The following IQCM variants were observed in gnomAD, a reference collection of about 807,000 sequenced individuals.
IQCM encodes the protein IQ domain-containing protein M.
IQCM carries 45 observed loss-of-function variants against 57.6 expected under a neutral mutation model. The ratio of observed to expected loss-of-function variants is 0.78; its 90% CI spans 0.62 to 1.00. IQCM has a LOEUF of 1.00. Ranked by LOEUF, IQCM falls within the 50% of genes least tolerant of loss-of-function variation. The pLI is 0.00. For missense variants in IQCM, 468 were observed against 511.6 expected (o/e 0.91, Z 0.82); for synonymous variants, 148 against 158.9 (o/e 0.93, Z 0.51).
chr4:149,778,706 T>G (rs1361225886), intron 2 of IQCM, among the ~76,000 whole-genome samples: 1 of 151,950 alleles, frequency 6.6e-6, no homozygotes, highest in Non-Finnish European at 1.5e-5. Context: ...AATAAGGAAA[T>G]ATTAAAAACA....
At chr4:149,550,967 T>G (rs569825149) in intron 11 of IQCM, among the ~76,000 whole-genome samples, 1 of 152,322 alleles carries the variant, frequency 6.6e-6, no homozygotes, top group South Asian at 2.1e-4. Flanking sequence ...TTTTGCCACA[T>G]GTTAGCCTAT....
At chr4:149,749,515 A>G (rs1257280112) in intron 2 of IQCM, among the ~76,000 whole-genome samples, 2 of 152,146 alleles carry the variant, frequency 1.3e-5, no homozygotes, top group African/African-American at 2.4e-5. Flanking sequence ...ACAGGATAAT[A>G]GAGAACTGTG....
At chr4:149,368,492 C>A (rs1190276152) in intron 13 of IQCM, among the ~76,000 whole-genome samples, 1 of 151,756 alleles carries the variant, frequency 6.6e-6, no homozygotes, top group Non-Finnish European at 1.5e-5. Context: ...TTGTTAGAAA[C>A]CTTTGGATCC....
chr4:149,547,018 C>T (rs1475587063), intron 12 of IQCM, among the ~76,000 whole-genome samples: 1 of 152,108 alleles, frequency 6.6e-6, no homozygotes, highest in Non-Finnish European at 1.5e-5. Context: ...GGAAGGGATC[C>T]AGTTTCAGCT....
At chr4:149,627,044 C>G (rs1376394597) in intron 7 of IQCM, among the ~76,000 whole-genome samples, 1 of 152,168 alleles carries the variant, frequency 6.6e-6, no homozygotes, top group Non-Finnish European at 1.5e-5. Flanking sequence ...GACACTACAG[C>G]TCCAAGACAA....
chr4:149,679,315 G>T (rs1254197240), intron 7 of IQCM, among the ~76,000 whole-genome samples: 1 of 151,272 alleles, frequency 6.6e-6, no homozygotes, highest in East Asian at 1.9e-4. Flanking sequence ...ATATGTGAAA[G>T]CAAAAAAAAA....
intron 7 of IQCM, among the ~76,000 whole-genome samples, chr4:149,680,379 A>G (rs1762090607): frequency 1.3e-5 from 2 of 151,322 alleles, no homozygotes; most frequent in Non-Finnish European, 3.0e-5. Flanking sequence ...TTTGATTGGT[A>G]TCTCTGCAGT....
chr4:149,730,548 T>C (rs988723602), intron 5 of IQCM, among the ~76,000 whole-genome samples: 1 of 152,256 alleles, frequency 6.6e-6, no homozygotes, highest in Non-Finnish European at 1.5e-5. Flanking sequence ...ATTTTAATTC[T>C]GTCAAAAACA....
intron 12 of IQCM, among the ~76,000 whole-genome samples, chr4:149,454,847 T>A (rs994281786): frequency 6.6e-6 from 1 of 151,844 alleles, no homozygotes; most frequent in African/African-American, 2.4e-5. Context: ...GATTAAGGGA[T>A]GGGGGTAAAT....
At chr4:149,470,646 C>T (rs1369359563) in intron 12 of IQCM, among the ~76,000 whole-genome samples, 1 of 152,170 alleles carries the variant, frequency 6.6e-6, no homozygotes, top group Non-Finnish European at 1.5e-5. Context: ...ACAAAACTCT[C>T]CACCACAAAC....
chr4:149,552,840 C>T (rs545124079), intron 11 of IQCM, among the ~76,000 whole-genome samples: 176 of 152,132 alleles, frequency 1.2e-3, no homozygotes, highest in Non-Finnish European at 2.2e-3. Flanking sequence ...TTTCCTGCTC[C>T]CTAGATCTCT....
At chr4:149,532,563 T>C (rs928583863) in intron 12 of IQCM, among the ~76,000 whole-genome samples, 247 of 152,124 alleles carry the variant, frequency 1.6e-3, no homozygotes, top group African/African-American at 5.8e-3. Context: ...CTGAATCATT[T>C]CTTTTTATCA....
chr4:149,499,987 G>A (rs1243425406), intron 12 of IQCM, among the ~76,000 whole-genome samples: 5 of 152,124 alleles, frequency 3.3e-5, no homozygotes, highest in East Asian at 3.8e-4. Context: ...GAATACATAG[G>A]TCTCTTTCCC....
intron 13 of IQCM, among the ~76,000 whole-genome samples, chr4:149,413,348 C>A (rs113562499): frequency 6.6e-6 from 1 of 152,086 alleles, no homozygotes; most frequent in South Asian, 2.1e-4. Flanking sequence ...GGAAAGAAAT[C>A]GGGTGGAGCC....
At position 149,599,670 on chromosome 4, in the gene IQCM, C is replaced by T. The variant is rs187676372; in HGVS notation, c.682-11673G>A. The stretch of plus-strand genomic sequence containing the variant: ...TTGAGCATATCACCCTGTGGTAATA[C>T]GTTTGGCAGATATATGACAACTTCC... On this transcript the variant is annotated intron_variant, in intron 8 of 13. Transcript: ENST00000636793. Among the ~76,000 whole-genome samples, 471 of 152,084 alleles carry T rather than the reference C, an allele frequency of 3.1e-3. 4 individuals carry two copies. The highest frequency in any genetic ancestry group is 8.9e-3 in the South Asian group (43 of 4,816).
chr4:149,417,279 G>A (rs907202644), intron 13 of IQCM, among the ~76,000 whole-genome samples: 1 of 152,154 alleles, frequency 6.6e-6, no homozygotes, highest in South Asian at 2.1e-4. Context: ...ATCTGGCCTT[G>A]TCCTTAAGAA....
chr4:149,626,151 A>T (rs1756775540), intron 7 of IQCM, among the ~76,000 whole-genome samples: 2 of 151,912 alleles, frequency 1.3e-5, no homozygotes, highest in African/African-American at 4.8e-5. Flanking sequence ...GGGTGGGCAC[A>T]GTCTAATCAA....
chr4:149,669,826 GTT>G (rs1268967714), intron 7 of IQCM, among the ~76,000 whole-genome samples: 1 of 151,980 alleles, frequency 6.6e-6, no homozygotes, highest in African/African-American at 2.4e-5. Flanking sequence ...GCTTTGTTTT[GTT>G]GGTCTATATC....
At chr4:149,481,179 G>A (rs767242005) in intron 12 of IQCM, among the ~76,000 whole-genome samples, 7 of 152,078 alleles carry the variant, frequency 4.6e-5, no homozygotes, top group Middle Eastern at 3.4e-3. Flanking sequence ...TGGATAGTTC[G>A]CAAATATTTT....
Sources: gnomAD v4.1 joint callset for allele counts (sites outside exome capture counted in the v4.1 genomes callset) on GRCh38, gnomAD v4.1.1 for gene constraint, MANE v1.5 for transcripts, NCBI Gene and HGNC (gene_info 2026-07-23, HGNC 2026-07-21) for gene names.